Variants in ACOT9 observed in about 807,000 individuals in gnomAD.
ACOT9 encodes the protein acyl-CoA thioesterase 9.
Under a neutral mutation model 39.7 loss-of-function variants are expected in ACOT9, and 34 were observed. That is an observed-to-expected ratio of 0.86 (90% confidence interval 0.65 to 1.14). ACOT9 has a LOEUF of 1.14. Ranked by LOEUF, ACOT9 falls within the 50% of genes most tolerant of loss-of-function variation. The probability of loss-of-function intolerance (pLI) is 0.00; values close to 1 mark genes in which losing one functional copy is unlikely to be tolerated. For missense variants in ACOT9, 313 were observed against 344.1 expected, an observed-to-expected ratio of 0.91 and a Z score of 0.71; for synonymous variants, 110 against 120.5, an observed-to-expected ratio of 0.91 and a Z score of 0.57.
intron 9 of ACOT9, among the ~76,000 whole-genome samples, chrX:23,709,398 A>T (rs1486630096): frequency 9.0e-6 from 1 of 111,687 alleles, no homozygotes; most frequent in Non-Finnish European, 1.9e-5. Flanking sequence ...TGTCTTGAAA[A>T]CAAAAAACAA....
At position 23,737,887 on chromosome X, in the gene ACOT9, T is replaced by TTAA. The variant is rs750180443; in HGVS notation, c.21-1872_21-1871insTTA. ...TAATATTTGTCTTTTTTTTTTTTTT[T>TTAA]AGACAGAGTCTCGCTCTGTCGCCCA... On this transcript the variant is annotated intron_variant, in intron 1 of 15. Transcript: ENST00000379303. 1.7e-3 allele frequency among the ~76,000 whole-genome samples: 181 copies of TTAA among 103,884 alleles called. 1 individual carries two copies. The highest frequency in any genetic ancestry group is 0.011 in the South Asian group (25 of 2,347). The allele number at this position is 103,884 out of a possible 115,157, so 90.2% of individuals were successfully genotyped here.
chrX:23,738,245 T>G (rs1162789113), intron 1 of ACOT9, among the ~76,000 whole-genome samples: 1 of 110,656 alleles, frequency 9.0e-6, no homozygotes, highest in Non-Finnish European at 1.9e-5. Flanking sequence ...TTATTTTGTT[T>G]TATGTATCTT....
rs1056213007 is a variant in ACOT9, at chrX:23,737,899, C to T, written c.21-1883G>A. On this transcript the variant is annotated intron_variant, in intron 1 of 15. Transcript: ENST00000379303. ...TTTTTTTTTTTTTTAGACAGAGTCT[C>T]GCTCTGTCGCCCAGGCTGGAGTGCA... 7.0e-5 allele frequency among the ~76,000 whole-genome samples: 7 copies of T among 100,480 alleles called. No individual in the cohort carries two copies. In the East Asian group the frequency reaches 1.8e-3, roughly 26 times the overall value. 87.3% of individuals were successfully genotyped at this position (100,480 alleles called of 115,157 possible).
intron 6 of ACOT9, among the ~76,000 whole-genome samples, chrX:23,725,584 G>A (rs973823317): frequency 9.1e-6 from 1 of 110,383 alleles, no homozygotes; most frequent in African/African-American, 3.3e-5. Flanking sequence ...TTGGGAGGCC[G>A]AGGTGGGGGG....
At chrX:23,739,438 C>T (rs1930058912) in intron 1 of ACOT9, among the ~76,000 whole-genome samples, 1 of 111,364 alleles carries the variant, frequency 9.0e-6, no homozygotes, top group African/African-American at 3.3e-5. Context: ...GTCTAATATA[C>T]TGACAAGTCC....
chrX:23,727,492 A>AT (rs1235608795), intron 6 of ACOT9, among the ~76,000 whole-genome samples: 2 of 108,265 alleles, frequency 1.8e-5, no homozygotes, highest in African/African-American at 3.4e-5. Context: ...TGCCCAGCTA[A>AT]TTTTTTGGGT....
At chrX:23,723,318 C>T (rs372824316) in intron 6 of ACOT9, among the ~76,000 whole-genome samples, 4 of 111,552 alleles carry the variant, frequency 3.6e-5, no homozygotes, top group East Asian at 2.8e-4. Flanking sequence ...CATTTAAAGT[C>T]GTATAATTAT....
chrX:23,743,017 C>T, intron 1 of ACOT9, 108 bp downstream of exon 1: 1 of 963,759 alleles, frequency 1.0e-6, no homozygotes, highest in African/African-American at 2.0e-5. Context: ...AGCCCAAATG[C>T]CCATGCGTGG....
At chrX:23,726,115 C>T (rs889606965) in intron 6 of ACOT9, among the ~76,000 whole-genome samples, 1 of 109,442 alleles carries the variant, frequency 9.1e-6, no homozygotes, top group Non-Finnish European at 1.9e-5. Flanking sequence ...CAGGAGAATC[C>T]CTTGAACCCG....
chrX:23,740,465 T>C, intron 1 of ACOT9, among the ~76,000 whole-genome samples: 1 of 110,708 alleles, frequency 9.0e-6, no homozygotes, highest in Non-Finnish European at 1.9e-5. Flanking sequence ...TGATGGAAAC[T>C]GTGGACCTCG....
At chrX:23,713,478 C>A (rs943213426) in intron 8 of ACOT9, among the ~76,000 whole-genome samples, 3 of 105,081 alleles carry the variant, frequency 2.9e-5, no homozygotes, top group African/African-American at 1.1e-4. Context: ...ACTCAGTAGA[C>A]TGAGGCATGA....
chrX:23,730,792 T>A (rs775951032), intron 5 of ACOT9, 24 bp downstream of exon 5: 14 of 1,158,956 alleles, frequency 1.2e-5, no homozygotes, highest in Non-Finnish European at 1.6e-5. Context: ...TAAAAACAAA[T>A]ACATAAAAAT....
At chrX:23,740,048 A>G (rs1242368469) in intron 1 of ACOT9, among the ~76,000 whole-genome samples, 1 of 111,409 alleles carries the variant, frequency 9.0e-6, no homozygotes, top group Non-Finnish European at 1.9e-5. Context: ...TACCAATAGC[A>G]TATTGGTAAT....
intron 9 of ACOT9, among the ~76,000 whole-genome samples, chrX:23,708,672 T>C (rs1438989875): frequency 8.9e-6 from 1 of 111,849 alleles, no homozygotes; most frequent in East Asian, 2.8e-4. Flanking sequence ...CCTTGATGGA[T>C]TGGGTCCTGA....
At chrX:23,720,528 T>G (rs1432324682) in intron 8 of ACOT9, among the ~76,000 whole-genome samples, 1 of 111,277 alleles carries the variant, frequency 9.0e-6, no homozygotes. Flanking sequence ...GAACACCATG[T>G]GATGACGGAG....
chrX:23,706,525 TC>T, intron 11 of ACOT9, 102 bp downstream of exon 11: 1 of 563,812 alleles, frequency 1.8e-6, no homozygotes, highest in African/African-American at 2.9e-5. Flanking sequence ...GCCATTGCAC[TC>T]CAGCCTGGGT....
At position 23,705,714 on chromosome X, in the gene ACOT9, C is replaced by T. The variant is rs1928653536; in HGVS notation, c.933+54G>A. The T allele has an allele frequency of 6.1e-6, 7 of 1,144,312 alleles. No homozygotes were observed. The Admixed American group carries it at 1.1e-4, about 18-fold the overall frequency. 94.3% of individuals were successfully genotyped at this position (1,144,312 alleles called of 1,213,427 possible). ...GTTTAAAGGTGTGTCAAATCTTGGA[C>T]AAATATCATGAACGGAAGCTATCCT... On this transcript the variant is annotated intron_variant, in intron 12 of 15. Coordinates refer to ENST00000379303, the MANE Select transcript of ACOT9 (RefSeq NM_001037171.2).
At chrX:23,721,127 G>C in intron 8 of ACOT9, among the ~76,000 whole-genome samples, 1 of 110,378 alleles carries the variant, frequency 9.1e-6, no homozygotes, top group East Asian at 2.8e-4. Flanking sequence ...GTCTCACTCT[G>C]TTGCCCAGGC....
chrX:23,728,966 T>C (rs1209808383), intron 6 of ACOT9, among the ~76,000 whole-genome samples: 1 of 111,331 alleles, frequency 9.0e-6, no homozygotes, highest in Non-Finnish European at 1.9e-5. Flanking sequence ...AAATAGATGA[T>C]AGTAACATAT....
Sources: allele counts gnomAD v4.1 joint callset (sites outside exome capture counted in the v4.1 genomes callset), GRCh38; gene constraint gnomAD v4.1.1; transcripts MANE v1.5; gene names NCBI Gene and HGNC (gene_info 2026-07-23, HGNC 2026-07-21).